Variants in BRWD1 observed in about 807,000 individuals in gnomAD.
The protein encoded by BRWD1 is bromodomain and WD repeat domain containing 1.
Under a neutral mutation model 251.2 loss-of-function variants are expected in BRWD1, and 82 were observed. The observed-to-expected ratio is 0.33, with a 90% CI of 0.27 to 0.39. The LOEUF is 0.39. BRWD1 is among the 10% of genes least tolerant of loss of function. BRWD1 has a pLI of 1.00. For synonymous variants in BRWD1, 918 were observed against 902.8 expected (o/e 1.02, Z -0.30); for missense variants, 2,233 against 2,711.6 (o/e 0.82, Z 3.92).
intron 32 of BRWD1, among the ~76,000 whole-genome samples, chr21:39,214,295 T>TG: frequency 6.6e-6 from 1 of 152,332 alleles, no homozygotes; most frequent in East Asian, 1.9e-4. Context: ...TGAATACTTC[T>TG]GAATTTAAGA....
At chr21:39,247,442 G>C (rs1026083978) in intron 21 of BRWD1, among the ~76,000 whole-genome samples, 1 of 152,160 alleles carries the variant, frequency 6.6e-6, no homozygotes, top group Admixed American at 6.5e-5. Context: ...TTTATATACA[G>C]AAAGTTTCAG....
chr21:39,245,039 C>A (rs1226763761), intron 21 of BRWD1, among the ~76,000 whole-genome samples: 1 of 150,132 alleles, frequency 6.7e-6, no homozygotes, highest in Non-Finnish European at 1.5e-5. Flanking sequence ...CAGAGCAAGA[C>A]CCCATCTCAA....
chr21:39,286,193 T>C (rs2146722694), intron 8 of BRWD1, among the ~76,000 whole-genome samples: 1 of 152,058 alleles, frequency 6.6e-6, no homozygotes, highest in East Asian at 1.9e-4. Context: ...GTTGTTTTTA[T>C]ATTATTAGTA....
chr21:39,246,589 C>A (rs2034197414), intron 21 of BRWD1, among the ~76,000 whole-genome samples: 2 of 152,022 alleles, frequency 1.3e-5, no homozygotes, highest in African/African-American at 4.8e-5. Flanking sequence ...TCATAACAGC[C>A]AAAAAGTGGA....
At position 39,197,272 on chromosome 21, in the gene BRWD1, C is replaced by G. The variant is rs1192425149; in HGVS notation, c.5797G>C (p.Ala1933Pro). ...AGCTTGATCTTATTGGCAGCCGTAGCTGCACATCTTCGAGTAATCCTCAGG... is the reference window on the plus strand; with the variant it reads ...AGCTTGATCTTATTGGCAGCCGTAGGTGCACATCTTCGAGTAATCCTCAGG... ...GLLRITRRCAATAANKIKLMS... is the reference protein window; with the variant it reads ...GLLRITRRCAPTAANKIKLMS... The change falls in exon 41 of 41, where the codon GCT becomes CCT. Residue 1933 changes from alanine to proline, a missense_variant. By Grantham distance (27) the Ala-to-Pro change is conservative (BLOSUM62 -1). Transcript: ENST00000342449. The G allele has an allele frequency of 1.2e-6, 2 of 1,614,082 alleles. No individual in the cohort carries two copies. Among genetic ancestry groups the G allele is most frequent in the African/African-American group, 1.3e-5 (1 of 75,048 alleles).
At chr21:39,210,716 A>T in intron 35 of BRWD1, 70 bp downstream of exon 35, 1 of 1,485,790 alleles carries the variant, frequency 6.7e-7, no homozygotes, top group Non-Finnish European at 8.9e-7. Flanking sequence ...TTTAAAGTTT[A>T]ATAACTCTAC....
At position 39,211,223 on chromosome 21, in the gene BRWD1, T is replaced by C. The variant is rs140349253; in HGVS notation, c.3901-294A>G. 3.3e-4 allele frequency among the ~76,000 whole-genome samples: 51 copies of C among 152,318 alleles called. No individual in the cohort carries two copies. In the East Asian group the frequency reaches 9.6e-3, roughly 29 times the overall value. ...CCTCTCACCTCCCAGGTTTATAATA[T>C]TTGTTTTCGCAGAATATGAAGCACA... On this transcript the variant is annotated intron_variant, in intron 34 of 40. Coordinates refer to ENST00000342449, the MANE Select transcript of BRWD1 (RefSeq NM_033656.4).
chr21:39,292,528 G>A (rs2035846581), intron 8 of BRWD1, among the ~76,000 whole-genome samples: 1 of 152,118 alleles, frequency 6.6e-6, no homozygotes, highest in Non-Finnish European at 1.5e-5. Context: ...CAGACGTTTT[G>A]AAATCAGAAA....
Position 39,210,134 on chromosome 21 carries a change from A to G in BRWD1, c.4058T>C (p.Ile1353Thr). 1.9e-6 allele frequency: 3 copies of G among 1,610,314 alleles called. No individual in the cohort carries two copies. Among genetic ancestry groups the G allele is most frequent in the Non-Finnish European group, 1.7e-6 (2 of 1,177,010 alleles). Residue 1353 changes from isoleucine to threonine, a missense_variant, in exon 36 of 41, where the codon ATT becomes ACT. This residue lies in a region of BRWD1 where 69 missense variants were observed against 101.6 expected (regional missense o/e 0.68). Coordinates refer to ENST00000342449, the MANE Select transcript of BRWD1 (RefSeq NM_033656.4). ...TCCAAAATCCATTGGGGTATCTATA[A>G]TATCTCTGTAGTCCTAGGTTTTAAA... is the stretch of plus-strand genomic sequence containing the variant. ...DLVEYPDYRD[I>T]IDTPMDFGTV... is the part of the protein sequence containing the mutation.
intron 23 of BRWD1, chr21:39,235,751 G>C: frequency 5.5e-6 from 1 of 180,760 alleles, no homozygotes; most frequent in Non-Finnish European, 1.2e-5. Flanking sequence ...TTCGATCTAT[G>C]ACAGTCACAT....
Position 39,281,103 on chromosome 21 carries a change from T to C in BRWD1, c.832-855A>G, listed in dbSNP as rs139063794. ...GGTATATGATAGAAACAAAGATCTA[T>C]ATGAACAAAGTGTTCATTTCTCAAA... On this transcript the variant is annotated intron_variant, in intron 8 of 40. Transcript: ENST00000342449. 1.6e-3 allele frequency among the ~76,000 whole-genome samples: 242 copies of C among 152,310 alleles called. 2 individuals carry two copies. The highest frequency in any genetic ancestry group is 5.7e-3 in the African/African-American group (238 of 41,564).
chr21:39,226,647 G>GT (rs150036441), intron 27 of BRWD1, among the ~76,000 whole-genome samples: 1 of 152,128 alleles, frequency 6.6e-6, no homozygotes, highest in Non-Finnish European at 1.5e-5. Context: ...TTTTGTGGCT[G>GT]TATGTTTTTC....
rs1299185646 is a variant in BRWD1, at chr21:39,186,744, G to T, written c.*9515C>A. Reference sequence around the variant, plus strand: ...TCCTCTAAGGAATCATGTCTTCAAGGCCTTGCATTCTGGAAAGGAATAGTA... The same window carrying T: ...TCCTCTAAGGAATCATGTCTTCAAGTCCTTGCATTCTGGAAAGGAATAGTA... On this transcript the variant is annotated 3_prime_UTR_variant, in exon 41 of 41. Transcript: ENST00000342449. 1.5e-5 allele frequency: 4 copies of T among 264,836 alleles called. No individual in the cohort carries two copies. The highest frequency in any genetic ancestry group is 2.8e-5 in the Non-Finnish European group (4 of 143,594). The allele number at this position is 264,836 out of a possible 1,614,324, so 16.4% of individuals were successfully genotyped here. A position where few individuals can be genotyped will look rare whatever the true frequency, so the allele number is the denominator to read the frequency against.
At chr21:39,200,111 G>T in intron 39 of BRWD1, 108 bp downstream of exon 39, 2 of 1,075,878 alleles carry the variant, frequency 1.9e-6, no homozygotes, top group South Asian at 1.7e-5. Context: ...GAACCTAAAG[G>T]ACATTAACTT....
Position 39,236,745 on chromosome 21 carries a change from C to T in BRWD1, c.2616G>A (p.Ala872=), listed in dbSNP as rs745749033. 41 of 1,613,734 alleles carry T rather than the reference C, an allele frequency of 2.5e-5. No homozygotes were observed. Among genetic ancestry groups the T allele is most frequent in the African/African-American group, 4.0e-5 (3 of 74,846 alleles). The stretch of plus-strand genomic sequence containing the variant: ...TTAAAGGAGGCTGCAAATTGATGCC[C>T]GCATCAGCTGTCCAATCGGAATATC... The part of the protein sequence containing the change: ...SSRYSDWTAD[A]GINLQPPLRT... Residue 872 remains alanine, a synonymous_variant, in exon 23 of 41, where the codon GCG becomes GCA. Transcript: ENST00000342449.
chr21:39,314,595 C>T (rs1888488), upstream of BRWD1: 209,340 of 345,588 alleles, frequency 0.61, 64,166 homozygotes, highest in Admixed American at 0.68. Context: ...TGCCAGGCTT[C>T]TGACCTAACT....
At chr21:39,306,243 G>C (rs898339341) in intron 4 of BRWD1, among the ~76,000 whole-genome samples, 1 of 151,616 alleles carries the variant, frequency 6.6e-6, no homozygotes, top group Non-Finnish European at 1.5e-5. Context: ...CTAATTTTTT[G>C]TATTTTTAGT....
intron 4 of BRWD1, among the ~76,000 whole-genome samples, chr21:39,301,334 G>A (rs550287309): frequency 1.3e-5 from 2 of 152,270 alleles, no homozygotes; most frequent in Admixed American, 6.5e-5. Flanking sequence ...CTACTTCTAT[G>A]ATTAGGTTAC....
chr21:39,202,012 CTTCA>C (rs1258946497), intron 38 of BRWD1, among the ~76,000 whole-genome samples: 1 of 152,202 alleles, frequency 6.6e-6, no homozygotes, highest in Admixed American at 6.5e-5. Flanking sequence ...CAGCTTTGAA[CTTCA>C]TTGATTCTTA....
Sources: gnomAD v4.1 joint callset for allele counts (sites outside exome capture counted in the v4.1 genomes callset) on GRCh38, gnomAD v4.1.1 for gene constraint, gnomAD v4.1.1 regional missense constraint, MANE v1.5 for transcripts, NCBI Gene and HGNC (gene_info 2026-07-23, HGNC 2026-07-21) for gene names.